GPHN: variants seen among roughly 807,000 people sequenced by gnomAD.
GPHN encodes gephyrin.
GPHN carries 17 observed loss-of-function variants against 95.5 expected under a neutral mutation model. The observed-to-expected ratio is 0.18, with a 90% CI of 0.12 to 0.27. The LOEUF is 0.27. Among genes scored for constraint, GPHN ranks in the 10% least tolerant of loss-of-function variants. GPHN has a pLI of 1.00. For missense variants in GPHN, 660 were observed against 978.1 expected (o/e 0.67, Z 4.34); for synonymous variants, 320 against 322.5 (o/e 0.99, Z 0.08).
At chr14:67,610,137 C>T in the GPHN span, among the ~76,000 whole-genome samples, 15 of 152,146 alleles carry the variant, frequency 9.9e-5, no homozygotes, top group Non-Finnish European at 1.8e-4. Flanking sequence ...GTCTATGGTC[C>T]GGCACCAGGC....
At chr14:67,091,867 C>G (rs1595096918) in intron 12 of GPHN, among the ~76,000 whole-genome samples, 1 of 150,842 alleles carries the variant, frequency 6.6e-6, no homozygotes, top group African/African-American at 2.4e-5. Context: ...CAAAAAAAAT[C>G]TAAAATGGTA....
chr14:66,577,877 T>C (rs1054980873), intron 1 of GPHN, among the ~76,000 whole-genome samples: 3 of 152,010 alleles, frequency 2.0e-5, no homozygotes, highest in Admixed American at 2.0e-4. Flanking sequence ...TTTCCCAGTA[T>C]CATATCTGGA....
At chr14:66,669,474 C>T (rs554497028) in intron 1 of GPHN, among the ~76,000 whole-genome samples, 1 of 150,700 alleles carries the variant, frequency 6.6e-6, no homozygotes, top group Non-Finnish European at 1.5e-5. Context: ...GTTTTTTAAA[C>T]TCTTGAATCT....
chr14:67,347,502 C>CTT, the GPHN span: 90,999 of 1,088,582 alleles, frequency 0.084, 18 homozygotes, highest in Non-Finnish European at 0.097. Flanking sequence ...TAAGTTCTCT[C>CTT]TTTTTTTTTT....
chr14:66,771,486 T>A (rs2059168957), intron 2 of GPHN, among the ~76,000 whole-genome samples: 1 of 152,164 alleles, frequency 6.6e-6, no homozygotes, highest in Admixed American at 6.5e-5. Context: ...CAAGGGCAGG[T>A]AAATTGCCCA....
the GPHN span, chr14:67,473,035 G>T: frequency 4.4e-6 from 1 of 226,648 alleles, no homozygotes; most frequent in Non-Finnish European, 8.8e-6. The surrounding 1 kb of genome is among the most constrained non-coding windows in gnomAD (Gnocchi z 6.5). Context: ...AATCCAGATC[G>T]GAGGGAGGGA....
intron 10 of GPHN, among the ~76,000 whole-genome samples, chr14:67,051,521 G>A (rs938107483): frequency 3.3e-5 from 5 of 152,184 alleles, no homozygotes; most frequent in African/African-American, 1.2e-4. Flanking sequence ...ATGGAACCAA[G>A]TTGGAAAACG....
chr14:66,570,398 G>A (rs2060638898), intron 1 of GPHN, among the ~76,000 whole-genome samples: 1 of 149,676 alleles, frequency 6.7e-6, no homozygotes, highest in African/African-American at 2.5e-5. Context: ...TCTGCCTCCC[G>A]GGTTCAAGCA....
chr14:67,593,822 T>C, the GPHN span: 2 of 1,613,636 alleles, frequency 1.2e-6, no homozygotes, highest in South Asian at 2.2e-5. Flanking sequence ...GCCTGAAGCA[T>C]AAGATGAAGT....
intron 2 of GPHN, among the ~76,000 whole-genome samples, chr14:66,730,492 T>G (rs950297530): frequency 6.6e-6 from 1 of 152,200 alleles, no homozygotes; most frequent in African/African-American, 2.4e-5. Flanking sequence ...TCTCATATTT[T>G]TTTTACTAAA....
intron 8 of GPHN, among the ~76,000 whole-genome samples, chr14:66,953,374 G>A (rs2068252377): frequency 6.6e-6 from 1 of 151,714 alleles, no homozygotes; most frequent in Non-Finnish European, 1.5e-5. Flanking sequence ...TTGTACTTTT[G>A]GTGTCATATC....
chr14:67,459,715 G>A, the GPHN span, among the ~76,000 whole-genome samples: 2 of 152,196 alleles, frequency 1.3e-5, no homozygotes, highest in Non-Finnish European at 2.9e-5. Flanking sequence ...CACACACGCT[G>A]TTCCTCACAT....
intron 8 of GPHN, among the ~76,000 whole-genome samples, chr14:66,961,910 A>G (rs1262927744): frequency 2.8e-4 from 18 of 65,176 alleles, no homozygotes; most frequent in East Asian, 9.9e-4. Flanking sequence ...GTATATATAT[A>G]TATATATATA....
At chr14:66,517,160 CTG>C (rs1453179784) in intron 1 of GPHN, among the ~76,000 whole-genome samples, 1 of 136,212 alleles carries the variant, frequency 7.3e-6, no homozygotes, top group Non-Finnish European at 1.6e-5. Flanking sequence ...AAAGAAGAAA[CTG>C]AATAGAGTAA....
the GPHN span, among the ~76,000 whole-genome samples, chr14:67,344,842 C>G: frequency 4.0e-5 from 6 of 151,766 alleles, 1 homozygote; most frequent in East Asian, 5.8e-4. Flanking sequence ...GATCGCAACA[C>G]TGCACTCCAG....
the GPHN span, among the ~76,000 whole-genome samples, chr14:67,362,011 T>TTTTTTTC: frequency 4.4e-4 from 65 of 148,592 alleles, 2 homozygotes; most frequent in South Asian, 0.013. Context: ...GAGTCTTTTT[T>TTTTTTTC]TTTTTTCTTT....
chr14:67,438,281 G>A, the GPHN span, among the ~76,000 whole-genome samples: 1 of 152,236 alleles, frequency 6.6e-6, no homozygotes, highest in Admixed American at 6.5e-5. Context: ...GGCTGGACCA[G>A]GAACCTGGCA....
chr14:66,599,392 A>ATTTTTTTTTTTTTTTTTTTTTTTTTTTTT lies in GPHN; in HGVS notation c.65-81699_65-81698insTTTTTTTTTTTTTTTTTTTTTTTTTTTTT, dbSNP rs765267813. Among the ~76,000 whole-genome samples the ATTTTTTTTTTTTTTTTTTTTTTTTTTTTT allele has an allele frequency of 2.6e-5, 2 of 76,524 alleles. 1 individual carries two copies. The highest frequency in any genetic ancestry group is 1.4e-4 in the African/African-American group (2 of 13,906). The allele number at this position is 76,524 out of a possible 152,430, so 50.2% of individuals were successfully genotyped here. ...TCTCTGATTTTACATTTTTTTTTGC[A>ATTTTTTTTTTTTTTTTTTTTTTTTTTTTT]TTTTTTTTTTTTTTTTGCTAGATGC... is the stretch of plus-strand genomic sequence containing the variant. On this transcript the variant is annotated intron_variant, in intron 1 of 22. Coordinates refer to ENST00000478722, the MANE Select transcript of GPHN (RefSeq NM_020806.5).
At chr14:66,596,997 G>T (rs1486252249) in intron 1 of GPHN, among the ~76,000 whole-genome samples, 2 of 152,192 alleles carry the variant, frequency 1.3e-5, no homozygotes, top group African/African-American at 4.8e-5. Context: ...AGGTACATCT[G>T]CTGCCATTAG....
Sources: gnomAD v4.1 joint callset for allele counts (sites outside exome capture counted in the v4.1 genomes callset) on GRCh38, gnomAD v4.1.1 for gene constraint, Gnocchi (gnomAD v3.1) non-coding constraint, MANE v1.5 for transcripts, NCBI Gene and HGNC (gene_info 2026-07-23, HGNC 2026-07-21) for gene names.